The following FGF14 variants were observed in gnomAD, a reference collection of about 807,000 sequenced individuals.
FGF14 encodes fibroblast growth factor homologous factor 4.
Under a neutral mutation model 25.5 loss-of-function variants are expected in FGF14, and 5 were observed. The observed-to-expected ratio is 0.20, with a 90% CI of 0.10 to 0.41. The LOEUF (loss-of-function observed/expected upper bound fraction) is 0.41, where lower values mean the gene tolerates loss of function less well. Ranked by LOEUF, FGF14 falls within the 10% of genes least tolerant of loss-of-function variation. The pLI is 1.00. For missense variants in FGF14, 222 were observed against 320.1 expected, an observed-to-expected ratio of 0.69 and a Z score of 2.34; for synonymous variants, 138 against 118.3, an observed-to-expected ratio of 1.17 and a Z score of -1.08.
rs1269906447 is a variant in FGF14 at position 101,713,270 on chromosome 13, C to G, written c.*9561G>C. On this transcript the variant is annotated 3_prime_UTR_variant, in exon 5 of 5. Coordinates refer to ENST00000376143, the MANE Select transcript of FGF14 (RefSeq NM_004115.4). ...ATGACCACAACTCCTTTTTCCTGAT[C>G]ACTTTAATCACCCAGGCTGTTAACT... 1 of 152,180 alleles carries G rather than the reference C, an allele frequency of 6.6e-6. No individual in the cohort carries two copies. Among genetic ancestry groups the G allele is most frequent in the Non-Finnish European group, 1.5e-5 (1 of 68,036 alleles). 9.4% of individuals were successfully genotyped at this position (152,180 alleles called of 1,614,324 possible).
chr13:101,915,331 TC>T (rs886101993), intron 1 of FGF14, among the ~76,000 whole-genome samples: 10 of 152,200 alleles, frequency 6.6e-5, no homozygotes, highest in African/African-American at 2.4e-4. Context: ...TATGCTTCTA[TC>T]CCCCGTCTTT....
chr13:101,934,101 GA>G (rs1370390504), intron 1 of FGF14, among the ~76,000 whole-genome samples: 1 of 152,152 alleles, frequency 6.6e-6, no homozygotes, highest in African/African-American at 2.4e-5. Context: ...GGGAAGATAA[GA>G]AACATTTAAA....
At chr13:101,794,595 C>A (rs1207532043) in intron 3 of FGF14, among the ~76,000 whole-genome samples, 1 of 151,998 alleles carries the variant, frequency 6.6e-6, no homozygotes, top group African/African-American at 2.4e-5. Context: ...TCTTTGAGTC[C>A]CTTGGGGATT....
At chr13:102,199,466 G>A (rs2049513909) in intron 1 of FGF14, among the ~76,000 whole-genome samples, 1 of 152,130 alleles carries the variant, frequency 6.6e-6, no homozygotes, top group Non-Finnish European at 1.5e-5. Flanking sequence ...GTACTTTTGT[G>A]ACTTGATGAA....
At chr13:102,251,857 T>C (rs1328200483) in intron 1 of FGF14, among the ~76,000 whole-genome samples, 1 of 152,188 alleles carries the variant, frequency 6.6e-6, no homozygotes, top group Admixed American at 6.5e-5. Flanking sequence ...TTTCCCTTTA[T>C]TTGCAAAAGC....
At chr13:101,953,589 A>G (rs1335576885) in intron 1 of FGF14, among the ~76,000 whole-genome samples, 1 of 141,150 alleles carries the variant, frequency 7.1e-6, no homozygotes, top group Non-Finnish European at 1.6e-5. Context: ...TATATATATA[A>G]TTTTTATTTT....
At chr13:102,026,251 T>C (rs1323022132) in intron 1 of FGF14, among the ~76,000 whole-genome samples, 1 of 152,042 alleles carries the variant, frequency 6.6e-6, no homozygotes, top group Non-Finnish European at 1.5e-5. Context: ...TTGAAGAATG[T>C]ATGTACGTAA....
chr13:101,984,893 A>G (rs2038477516), intron 1 of FGF14, among the ~76,000 whole-genome samples: 1 of 152,176 alleles, frequency 6.6e-6, no homozygotes, highest in African/African-American at 2.4e-5. Flanking sequence ...CAATAAGAAA[A>G]GCATAAAAAT....
At chr13:101,809,785 T>C (rs2041394416) in intron 3 of FGF14, among the ~76,000 whole-genome samples, 1 of 152,184 alleles carries the variant, frequency 6.6e-6, no homozygotes, top group African/African-American at 2.4e-5. Context: ...GATTGATAGA[T>C]GTCAACCCAG....
chr13:102,326,638 G>GA (rs1359253523), intron 1 of FGF14, among the ~76,000 whole-genome samples: 31 of 136,940 alleles, frequency 2.3e-4, no homozygotes, highest in South Asian at 5.0e-4. Flanking sequence ...GGAAAGGGAG[G>GA]GAAAGGGAGG....
At chr13:101,820,766 ACACAC>A (rs2042079531) in intron 3 of FGF14, among the ~76,000 whole-genome samples, 1 of 80,190 alleles carries the variant, frequency 1.2e-5, no homozygotes, top group Non-Finnish European at 3.2e-5. Flanking sequence ...CAGTACACAC[ACACAC>A]CACACACCAC....
chr13:102,283,239 T>C (rs1566898420), intron 1 of FGF14, among the ~76,000 whole-genome samples: 1 of 152,240 alleles, frequency 6.6e-6, no homozygotes, highest in Non-Finnish European at 1.5e-5. Flanking sequence ...CCATTGGCTA[T>C]GGCTTGATCA....
At chr13:101,788,578 T>A (rs2039991443) in intron 3 of FGF14, among the ~76,000 whole-genome samples, 1 of 152,064 alleles carries the variant, frequency 6.6e-6, no homozygotes, top group Admixed American at 6.6e-5. Flanking sequence ...TCCTTTAATG[T>A]GACTTCGACA....
intron 3 of FGF14, among the ~76,000 whole-genome samples, chr13:101,797,545 G>A (rs1394889544): frequency 6.6e-6 from 1 of 152,016 alleles, no homozygotes; most frequent in Non-Finnish European, 1.5e-5. Flanking sequence ...TTATTGGAAG[G>A]TGATTAGTCG....
intron 1 of FGF14, among the ~76,000 whole-genome samples, chr13:102,204,193 A>C (rs2049800924): frequency 6.6e-6 from 1 of 152,218 alleles, no homozygotes; most frequent in African/African-American, 2.4e-5. Flanking sequence ...TGTTTCGCAC[A>C]TTGCTGTCTG....
intron 1 of FGF14, among the ~76,000 whole-genome samples, chr13:102,390,177 C>T (rs1425235873): frequency 6.6e-6 from 1 of 152,018 alleles, no homozygotes; most frequent in Non-Finnish European, 1.5e-5. Flanking sequence ...GCGGTTGCTT[C>T]TCAGAGTGGG....
At chr13:102,209,203 T>C (rs971779253) in intron 1 of FGF14, among the ~76,000 whole-genome samples, 1 of 152,230 alleles carries the variant, frequency 6.6e-6, no homozygotes, top group Non-Finnish European at 1.5e-5. Flanking sequence ...CAGTTGGGTA[T>C]GAGGTTCCTT....
chr13:102,170,366 C>A (rs1418501612), intron 1 of FGF14, among the ~76,000 whole-genome samples: 2 of 151,988 alleles, frequency 1.3e-5, no homozygotes, highest in Non-Finnish European at 2.9e-5. Flanking sequence ...CCTCTTCTTG[C>A]ACTTCTTCCT....
chr13:101,910,749 A>G (rs1302414226), intron 1 of FGF14, among the ~76,000 whole-genome samples: 1 of 151,892 alleles, frequency 6.6e-6, no homozygotes, highest in Non-Finnish European at 1.5e-5. Flanking sequence ...GACCAAAACT[A>G]TGAAATTAGT....
Sources: gnomAD v4.1 joint callset for allele counts (sites outside exome capture counted in the v4.1 genomes callset) on GRCh38, gnomAD v4.1.1 for gene constraint, MANE v1.5 for transcripts, NCBI Gene and HGNC (gene_info 2026-07-23, HGNC 2026-07-21) for gene names.